EBF2: variants seen among roughly 807,000 people sequenced by gnomAD.
The protein encoded by EBF2 is transcription factor COE2.
EBF2 carries 21 observed loss-of-function variants against 72.8 expected under a neutral mutation model. The ratio of observed to expected loss-of-function variants is 0.29; its 90% CI spans 0.20 to 0.42. The LOEUF (loss-of-function observed/expected upper bound fraction) is 0.42. Ranked by LOEUF, EBF2 falls within the 10% of genes least tolerant of loss-of-function variation. EBF2 has a pLI of 1.00. For synonymous variants in EBF2, 299 were observed against 274.2 expected, an observed-to-expected ratio of 1.09 and a Z score of -0.89; for missense variants, 637 against 731.2, an observed-to-expected ratio of 0.87 and a Z score of 1.49.
Position 26,045,036 on chromosome 8 carries a change from G to T in EBF2, c.-177C>A. The T allele has an allele frequency of 1.5e-6, 1 of 679,486 alleles. No individual in the cohort carries two copies. Among genetic ancestry groups the T allele is most frequent in the East Asian group, 2.9e-5 (1 of 34,508 alleles). 42.1% of individuals were successfully genotyped at this position (679,486 alleles called of 1,614,324 possible). On this transcript the variant is annotated 5_prime_UTR_variant, in exon 1 of 16. Transcript: ENST00000520164. ...ATAACCCGTCCTTTGCTTCACTGGC[G>T]AGGTGCGGACTGATGTAGTCAAAGT...
rs186402048 is a variant in EBF2, at chr8:25,886,970, C to T, written c.883-89G>A. On this transcript the variant is annotated intron_variant, in intron 9 of 15. Transcript: ENST00000520164. ...GTGTACAACATCTCCCACTATTGCT[C>T]CCCAGGGGCTTCTTTCTCTCTGCTC... 44 of 1,432,210 alleles carry T rather than the reference C, an allele frequency of 3.1e-5. 1 individual carries two copies. In the African/African-American group the frequency reaches 6.0e-4, roughly 19 times the overall value. 88.7% of individuals were successfully genotyped at this position (1,432,210 alleles called of 1,614,324 possible). A position where few individuals can be genotyped will look rare whatever the true frequency, so the allele number is the denominator to read the frequency against.
chr8:26,043,478 C>A (rs1340981213), intron 1 of EBF2, among the ~76,000 whole-genome samples: 1 of 152,226 alleles, frequency 6.6e-6, no homozygotes, highest in Non-Finnish European at 1.5e-5. Context: ...TGCGGTGCTG[C>A]CTTATTTCCC....
chr8:25,944,448 C>T (rs1004205219), intron 6 of EBF2, among the ~76,000 whole-genome samples: 8 of 151,954 alleles, frequency 5.3e-5, no homozygotes, highest in African/African-American at 7.3e-5. Context: ...TCAATGTATA[C>T]GGTTTGAAAT....
At chr8:25,986,360 T>G (rs1213689448) in intron 6 of EBF2, among the ~76,000 whole-genome samples, 1 of 152,196 alleles carries the variant, frequency 6.6e-6, no homozygotes, top group Non-Finnish European at 1.5e-5. Context: ...GCTGTAGTAT[T>G]TACAGAAGCA....
intron 14 of EBF2, 59 bp downstream of exon 14, chr8:25,858,260 A>G (rs1323095721): frequency 6.3e-7 from 1 of 1,599,558 alleles, no homozygotes; most frequent in East Asian, 2.2e-5. Context: ...CAAAAGGCCC[A>G]ATAGTAAAAC....
chr8:25,842,136 A>C lies in EBF2; in HGVS notation c.*2473T>G, dbSNP rs986097065. ...ACACAGGATAGAGTTTGTAGTTACC[A>C]ATAGAAATACTCATATTCCAAGTGG... On this transcript the variant is annotated 3_prime_UTR_variant, in exon 16 of 16. Transcript: ENST00000520164. 1 of 152,210 alleles carries C rather than the reference A, an allele frequency of 6.6e-6. No homozygotes were observed. Among genetic ancestry groups the C allele is most frequent in the African/African-American group, 2.4e-5 (1 of 41,458 alleles). 9.4% of individuals were successfully genotyped at this position (152,210 alleles called of 1,614,324 possible). A position where few individuals can be genotyped will look rare whatever the true frequency, so the allele number is the denominator to read the frequency against.
At chr8:26,042,385 T>G in intron 1 of EBF2, 134 bp from the exon 2 acceptor site, 3 of 1,144,324 alleles carry the variant, frequency 2.6e-6, no homozygotes, top group Non-Finnish European at 3.6e-6. Flanking sequence ...CTTCGGGCCT[T>G]TTTTCCAATT....
chr8:26,041,221 CCT>C (rs1805594653), intron 2 of EBF2: 2 of 595,910 alleles, frequency 3.4e-6, no homozygotes, highest in Non-Finnish European at 3.0e-6. Flanking sequence ...CCTTTCCAGC[CCT>C]CTGTCTCCCT....
chr8:25,906,849 A>T (rs916290961), intron 7 of EBF2, among the ~76,000 whole-genome samples: 2 of 152,196 alleles, frequency 1.3e-5, no homozygotes, highest in African/African-American at 4.8e-5. Flanking sequence ...CCAACTTTTT[A>T]AAGGGAGGCT....
intron 14 of EBF2, among the ~76,000 whole-genome samples, chr8:25,856,328 G>C (rs1260002538): frequency 6.6e-6 from 1 of 152,024 alleles, no homozygotes; most frequent in Non-Finnish European, 1.5e-5. Context: ...CAAATAGAGG[G>C]AATTTCCTAT....
chr8:25,869,744 G>A (rs1802399226), intron 10 of EBF2, among the ~76,000 whole-genome samples: 1 of 152,130 alleles, frequency 6.6e-6, no homozygotes, highest in South Asian at 2.1e-4. Context: ...ATTTTTAGTG[G>A]TGGTAATATG....
intron 10 of EBF2, among the ~76,000 whole-genome samples, chr8:25,867,943 A>C (rs73223997): frequency 0.15 from 22,241 of 152,180 alleles, 1,878 homozygotes; most frequent in African/African-American, 0.22. Context: ...TAGAATCTAT[A>C]TTGTATTTGT....
In EBF2 at chr8:26,044,719, G is replaced by T. The variant is rs745588825; in HGVS notation, c.131+10C>A. On this transcript the variant is annotated intron_variant, in intron 1 of 15. Transcript: ENST00000520164. The surrounding 1 kb of genome is among the most constrained non-coding windows in gnomAD (Gnocchi z 4.1). ...GAGACAGCATAATAATTGCGCGGCC[G>T]TGTCGTTACCTCTGCGCGGCGACAT... 3 of 1,613,226 alleles carry T rather than the reference G, an allele frequency of 1.9e-6. No individual in the cohort carries two copies. The highest frequency in any genetic ancestry group is 2.5e-6 in the Non-Finnish European group (3 of 1,179,520).
chr8:25,924,322 G>A (rs1222882945), intron 6 of EBF2, among the ~76,000 whole-genome samples: 3 of 152,146 alleles, frequency 2.0e-5, no homozygotes, highest in African/African-American at 7.2e-5. Context: ...TCAGCCTCTG[G>A]TAAGTAACCA....
At chr8:25,975,097 A>G (rs1046703998) in intron 6 of EBF2, among the ~76,000 whole-genome samples, 3 of 152,070 alleles carry the variant, frequency 2.0e-5, no homozygotes, top group African/African-American at 7.2e-5. Context: ...CTCCTAAAAC[A>G]CCATACACCC....
intron 6 of EBF2, among the ~76,000 whole-genome samples, chr8:25,992,843 G>T (rs1431600318): frequency 6.6e-6 from 1 of 151,338 alleles, no homozygotes; most frequent in African/African-American, 2.4e-5. Context: ...AGCAGAGGTT[G>T]CAGTGAGCTA....
intron 6 of EBF2, among the ~76,000 whole-genome samples, chr8:25,958,598 C>T (rs1043146851): frequency 6.6e-6 from 1 of 152,102 alleles, no homozygotes; most frequent in Non-Finnish European, 1.5e-5. Flanking sequence ...CTTGTTTTTG[C>T]TTCTTCTGCC....
chr8:26,043,328 G>C (rs548142135), intron 1 of EBF2, among the ~76,000 whole-genome samples: 1 of 152,236 alleles, frequency 6.6e-6, no homozygotes, highest in East Asian at 1.9e-4. Flanking sequence ...CTTTTGAAAG[G>C]GGTAACATTT....
intron 13 of EBF2, among the ~76,000 whole-genome samples, chr8:25,858,753 G>A (rs554619094): frequency 6.1e-5 from 9 of 148,550 alleles, no homozygotes; most frequent in African/African-American, 1.2e-4. Flanking sequence ...TCTGCTGCCC[G>A]GGTTCACGTG....
Sources: allele counts gnomAD v4.1 joint callset (sites outside exome capture counted in the v4.1 genomes callset), GRCh38; gene constraint gnomAD v4.1.1; non-coding constraint Gnocchi (gnomAD v3.1); transcripts MANE v1.5; gene names NCBI Gene and HGNC (gene_info 2026-07-23, HGNC 2026-07-21).